Variants in PLD5 observed in about 807,000 individuals in gnomAD.
PLD5 encodes the protein inactive phospholipase D5.
PLD5 carries 36 observed loss-of-function variants against 61.1 expected under a neutral mutation model. That is an observed-to-expected ratio of 0.59 (90% CI 0.45 to 0.78). The LOEUF (loss-of-function observed/expected upper bound fraction) is 0.78, where lower values mean the gene tolerates loss of function less well. Among genes scored for constraint, PLD5 ranks in the 30% least tolerant of loss-of-function variants. The pLI is 0.00. For missense variants in PLD5, 515 were observed against 644.4 expected (o/e 0.80, Z 2.17); for synonymous variants, 243 against 242.8 (o/e 1.00, Z -0.01).
chr1:242,395,561 T>C (rs1246859532), intron 1 of PLD5, among the ~76,000 whole-genome samples: 1 of 152,188 alleles, frequency 6.6e-6, no homozygotes, highest in Non-Finnish European at 1.5e-5. Context: ...TCATTTGTAC[T>C]AACTATTGGA....
intron 5 of PLD5, among the ~76,000 whole-genome samples, chr1:242,186,669 T>C (rs543821578): frequency 6.6e-6 from 1 of 152,328 alleles, no homozygotes; most frequent in Admixed American, 6.5e-5. Flanking sequence ...TGACAAGCTA[T>C]TAGTCTCTTC....
intron 1 of PLD5, among the ~76,000 whole-genome samples, chr1:242,456,250 G>A (rs945812684): frequency 2.6e-5 from 4 of 152,162 alleles, no homozygotes; most frequent in African/African-American, 9.7e-5. Flanking sequence ...GAGAATGGTA[G>A]AGACCTTCAG....
At chr1:242,108,591 G>A (rs1377557136) in intron 7 of PLD5, among the ~76,000 whole-genome samples, 1 of 152,084 alleles carries the variant, frequency 6.6e-6, no homozygotes, top group East Asian at 1.9e-4. Flanking sequence ...AACACACACT[G>A]TCACTTCCAG....
At chr1:242,142,141 T>A (rs571210668) in intron 5 of PLD5, among the ~76,000 whole-genome samples, 141 of 152,290 alleles carry the variant, frequency 9.3e-4, no homozygotes, top group African/African-American at 3.2e-3. Context: ...GGTTTTGGCC[T>A]CCTCTTCATG....
chr1:242,125,047 T>G lies in PLD5; in HGVS notation c.736-382A>C, dbSNP rs552858696. ...ACCGAATGGCTGGAATCATGGATTC[T>G]GGCTGGAATCATGGATTCTGGAGTC... On this transcript the variant is annotated intron_variant, in intron 5 of 9. Transcript: ENST00000536534. 3.3e-5 allele frequency among the ~76,000 whole-genome samples: 5 copies of G among 152,116 alleles called. No homozygotes were observed. In the South Asian group the frequency reaches 8.4e-4, roughly 26 times the overall value.
chr1:242,211,735 A>G (rs1026422014), intron 5 of PLD5, among the ~76,000 whole-genome samples: 1 of 152,178 alleles, frequency 6.6e-6, no homozygotes, highest in Non-Finnish European at 1.5e-5. Context: ...ATGAAGGTGA[A>G]AAAGGAACTG....
At position 242,457,824 on chromosome 1, in the gene PLD5, A is replaced by G. The variant is rs2654864; in HGVS notation, c.189+66264T>C. Among the ~76,000 whole-genome samples the G allele has an allele frequency of 8.5e-3, 1,298 of 152,184 alleles. 21 individuals carry two copies. Among genetic ancestry groups the G allele is most frequent in the African/African-American group, 0.03 (1,242 of 41,504 alleles). On this transcript the variant is annotated intron_variant, in intron 1 of 9. Coordinates refer to ENST00000536534, the MANE Select transcript of PLD5 (RefSeq NM_001372062.1). The stretch of plus-strand genomic sequence containing the variant: ...TCTGTCACTCCACAGACTGTTAAAA[A>G]CTATACATATTGGGCCTATATTCCT...
At chr1:242,432,914 A>G (rs1665795636) in intron 1 of PLD5, among the ~76,000 whole-genome samples, 1 of 152,154 alleles carries the variant, frequency 6.6e-6, no homozygotes, top group Admixed American at 6.5e-5. Flanking sequence ...AATTTTTCGG[A>G]TTTAAAATCA....
intron 2 of PLD5, among the ~76,000 whole-genome samples, chr1:242,322,555 C>T (rs947096357): frequency 3.3e-5 from 5 of 152,154 alleles, no homozygotes; most frequent in Admixed American, 3.3e-4. Context: ...GTGTCCCCAC[C>T]CAAATCTCAT....
At chr1:242,455,387 A>G (rs1666913709) in intron 1 of PLD5, among the ~76,000 whole-genome samples, 1 of 152,214 alleles carries the variant, frequency 6.6e-6, no homozygotes, top group African/African-American at 2.4e-5. Flanking sequence ...TTTTTTTGAC[A>G]TAAAGGACCG....
chr1:242,261,968 T>A (rs546057951), intron 4 of PLD5, among the ~76,000 whole-genome samples: 1 of 152,134 alleles, frequency 6.6e-6, no homozygotes, highest in Non-Finnish European at 1.5e-5. Flanking sequence ...GCAATCCCAA[T>A]CCTAAGTTCA....
chr1:242,471,855 C>T (rs1667456957), intron 1 of PLD5, among the ~76,000 whole-genome samples: 1 of 152,130 alleles, frequency 6.6e-6, no homozygotes, highest in Non-Finnish European at 1.5e-5. Flanking sequence ...TATGATTTTT[C>T]TTCATGTTCC....
chr1:242,527,682 A>C (rs12093170), upstream of PLD5, among the ~76,000 whole-genome samples: 27,546 of 152,192 alleles, frequency 0.18, 2,565 homozygotes, highest in African/African-American at 0.24. Flanking sequence ...TGTCCAAGTT[A>C]ATCGTTTATG....
chr1:242,140,813 G>T (rs1664105979), intron 5 of PLD5, among the ~76,000 whole-genome samples: 1 of 152,082 alleles, frequency 6.6e-6, no homozygotes, highest in South Asian at 2.1e-4. Flanking sequence ...TGGCCTTAGA[G>T]GATGGGCTGC....
rs145322559 is a variant in PLD5, at chr1:242,394,193, A to T, written c.190-45951T>A. ...ATATGTGTATATATGAGTATATATG[A>T]GTATATATATGTGTATATGAGTATA... On this transcript the variant is annotated intron_variant, in intron 1 of 9. Transcript: ENST00000536534. 8.3e-3 allele frequency among the ~76,000 whole-genome samples: 377 copies of T among 45,298 alleles called. 10 individuals carry two copies. The highest frequency in any genetic ancestry group is 0.011 in the Admixed American group (32 of 2,786). 29.7% of individuals were successfully genotyped at this position (45,298 alleles called of 152,430 possible).
chr1:242,285,873 C>T (rs1430069880), intron 3 of PLD5, among the ~76,000 whole-genome samples: 1 of 152,030 alleles, frequency 6.6e-6, no homozygotes, highest in Non-Finnish European at 1.5e-5. Context: ...TTTGGGAGGC[C>T]AAGGCGGGTG....
intron 2 of PLD5, among the ~76,000 whole-genome samples, chr1:242,330,031 T>A (rs1659075685): frequency 6.6e-6 from 1 of 152,178 alleles, no homozygotes; most frequent in South Asian, 2.1e-4. Context: ...ACAGTTTTTT[T>A]AAAATGTGGA....
intron 4 of PLD5, among the ~76,000 whole-genome samples, chr1:242,226,622 AGG>A (rs1670960119): frequency 1.3e-5 from 2 of 152,248 alleles, no homozygotes; most frequent in African/African-American, 4.8e-5. Context: ...TGTGAAAATC[AGG>A]TCCCAGTTGG....
At chr1:242,517,680 C>T (rs1669147480) in intron 1 of PLD5, among the ~76,000 whole-genome samples, 1 of 152,130 alleles carries the variant, frequency 6.6e-6, no homozygotes, top group Admixed American at 6.5e-5. Flanking sequence ...AATCATAACA[C>T]TGCCATTATA....
Sources: gnomAD v4.1 joint callset for allele counts (sites outside exome capture counted in the v4.1 genomes callset) on GRCh38, gnomAD v4.1.1 for gene constraint, MANE v1.5 for transcripts, NCBI Gene and HGNC (gene_info 2026-07-23, HGNC 2026-07-21) for gene names.